Variants in TNFSF4 observed in about 807,000 individuals in gnomAD.
TNFSF4 encodes tumor necrosis factor ligand superfamily member 4.
Under a neutral mutation model 7.3 loss-of-function variants are expected in TNFSF4, and 4 were observed. That is an observed-to-expected ratio of 0.55 (90% CI 0.27 to 1.25). The LOEUF (loss-of-function observed/expected upper bound fraction) is 1.25, where lower values mean the gene tolerates loss of function less well. TNFSF4 is among the 50% of genes most tolerant of loss of function. The probability of loss-of-function intolerance (pLI) is 0.12; values close to 1 mark genes in which losing one functional copy is unlikely to be tolerated. For missense variants in TNFSF4, 181 were observed against 208.8 expected, an observed-to-expected ratio of 0.87 and a Z score of 0.82; for synonymous variants, 76 against 83.7, an observed-to-expected ratio of 0.91 and a Z score of 0.50.
the TNFSF4 span, among the ~76,000 whole-genome samples, chr1:173,331,609 A>G: frequency 6.6e-6 from 1 of 152,348 alleles, no homozygotes; most frequent in East Asian, 1.9e-4. Context: ...GGAATTTAAC[A>G]AAGATTTTTG....
the TNFSF4 span, among the ~76,000 whole-genome samples, chr1:173,378,972 T>C: frequency 1.3e-5 from 2 of 151,414 alleles, no homozygotes; most frequent in Non-Finnish European, 2.9e-5. Context: ...TCTCCCTCTC[T>C]GATTTAAAGC....
chr1:173,328,224 A>T, the TNFSF4 span, among the ~76,000 whole-genome samples: 2 of 152,030 alleles, frequency 1.3e-5, no homozygotes, highest in African/African-American at 4.8e-5. Flanking sequence ...TGAAGCTGAA[A>T]ACCATCATTC....
the TNFSF4 span, among the ~76,000 whole-genome samples, chr1:173,428,624 T>C: frequency 6.6e-6 from 1 of 152,262 alleles, no homozygotes; most frequent in Admixed American, 6.5e-5. Flanking sequence ...GAATTATTGC[T>C]AATGTTAGTT....
At chr1:173,235,686 C>T in the TNFSF4 span, among the ~76,000 whole-genome samples, 1 of 152,186 alleles carries the variant, frequency 6.6e-6, no homozygotes, top group Non-Finnish European at 1.5e-5. Flanking sequence ...TGGCTGTCTC[C>T]TTCTCTATCA....
At chr1:173,318,714 T>C in the TNFSF4 span, among the ~76,000 whole-genome samples, 1 of 152,072 alleles carries the variant, frequency 6.6e-6, no homozygotes, top group African/African-American at 2.4e-5. Flanking sequence ...AGAAAGCAAT[T>C]TGGCTATATG....
the TNFSF4 span, chr1:173,175,464 C>T: frequency 6.6e-6 from 1 of 152,170 alleles, no homozygotes; most frequent in Admixed American, 6.5e-5. Flanking sequence ...AATCTACATT[C>T]TTGAAAGGCT....
chr1:173,271,426 T>A, the TNFSF4 span, among the ~76,000 whole-genome samples: 1 of 152,258 alleles, frequency 6.6e-6, no homozygotes, highest in Non-Finnish European at 1.5e-5. Flanking sequence ...TTTCTTGTTT[T>A]TGTCAGGTTT....
the TNFSF4 span, among the ~76,000 whole-genome samples, chr1:173,313,592 C>G: frequency 6.6e-6 from 1 of 152,072 alleles, no homozygotes; most frequent in Admixed American, 6.6e-5. Context: ...GAAATTCTCC[C>G]AATGCTTTAG....
chr1:173,294,599 T>C, the TNFSF4 span, among the ~76,000 whole-genome samples: 1 of 151,916 alleles, frequency 6.6e-6, no homozygotes, highest in African/African-American at 2.4e-5. Flanking sequence ...AATAAAAGTT[T>C]TTTAAAAGTA....
At chr1:173,229,081 A>G in the TNFSF4 span, among the ~76,000 whole-genome samples, 5 of 152,186 alleles carry the variant, frequency 3.3e-5, no homozygotes, top group Admixed American at 2.6e-4. Flanking sequence ...TACAGAGAAC[A>G]CCGCAAAGAT....
At chr1:173,206,346 A>T (rs1650188781) in intron 1 of TNFSF4, among the ~76,000 whole-genome samples, 1 of 152,240 alleles carries the variant, frequency 6.6e-6, no homozygotes, top group African/African-American at 2.4e-5. Context: ...GAAAAATGGA[A>T]ATATTTTAAC....
chr1:173,270,838 A>ACCTCATTATCTGACCAATG, the TNFSF4 span, among the ~76,000 whole-genome samples: 1 of 152,172 alleles, frequency 6.6e-6, no homozygotes, highest in South Asian at 2.1e-4. Context: ...GTGGCACTAG[A>ACCTCATTATCTGACCAATG]GTCATAATCT....
At chr1:173,376,199 A>T in the TNFSF4 span, among the ~76,000 whole-genome samples, 5 of 152,202 alleles carry the variant, frequency 3.3e-5, no homozygotes, top group African/African-American at 1.2e-4. Context: ...AACCAACCCA[A>T]ATGCCCATCA....
chr1:173,242,654 C>T, the TNFSF4 span, among the ~76,000 whole-genome samples: 1 of 152,008 alleles, frequency 6.6e-6, no homozygotes, highest in African/African-American at 2.4e-5. Context: ...TCCCTAAAAG[C>T]AGAGGACCTT....
chr1:173,317,580 A>C, the TNFSF4 span, among the ~76,000 whole-genome samples: 1 of 152,252 alleles, frequency 6.6e-6, no homozygotes, highest in Non-Finnish European at 1.5e-5. Flanking sequence ...AATTTATAAT[A>C]GCAACAAAAT....
At chr1:173,194,656 G>A (rs768339694) in intron 1 of TNFSF4, among the ~76,000 whole-genome samples, 1 of 152,000 alleles carries the variant, frequency 6.6e-6, no homozygotes, top group Non-Finnish European at 1.5e-5. Context: ...GTCAAAGCAG[G>A]CCGATCACTT....
chr1:173,315,015 G>A, the TNFSF4 span, among the ~76,000 whole-genome samples: 1 of 152,150 alleles, frequency 6.6e-6, no homozygotes, highest in Non-Finnish European at 1.5e-5. Context: ...CAAGGTGGTG[G>A]AAGATTTCAA....
At chr1:173,330,915 G>A in the TNFSF4 span, among the ~76,000 whole-genome samples, 13 of 134,908 alleles carry the variant, frequency 9.6e-5, no homozygotes, top group African/African-American at 2.8e-5. Context: ...ACAGAGTTTC[G>A]CTCTTGTTGC....
chr1:173,373,320 G>T, the TNFSF4 span, among the ~76,000 whole-genome samples: 7 of 152,330 alleles, frequency 4.6e-5, no homozygotes, highest in Admixed American at 6.5e-5. Context: ...CAAAATTGCT[G>T]CCAGGAGGAA....
Sources: gnomAD v4.1 joint callset for allele counts (sites outside exome capture counted in the v4.1 genomes callset) on GRCh38, gnomAD v4.1.1 for gene constraint, MANE v1.5 for transcripts, NCBI Gene and HGNC (gene_info 2026-07-23, HGNC 2026-07-21) for gene names.